EIPR1: variants seen among roughly 807,000 people sequenced by gnomAD.
EIPR1 encodes the protein EARP complex and GARP complex interacting protein 1.
A neutral mutation model predicts 48.1 loss-of-function variants in EIPR1; 25 were observed. The ratio of observed to expected loss-of-function variants is 0.52; its 90% CI spans 0.38 to 0.73. The LOEUF (loss-of-function observed/expected upper bound fraction) is 0.73. EIPR1 is among the 30% of genes least tolerant of loss of function. The probability of loss-of-function intolerance (pLI) is 0.00; values close to 1 mark genes in which losing one functional copy is unlikely to be tolerated. For synonymous variants in EIPR1, 204 were observed against 201.9 expected, an observed-to-expected ratio of 1.01 and a Z score of -0.09; for missense variants, 415 against 506.2, an observed-to-expected ratio of 0.82 and a Z score of 1.73.
intron 3 of EIPR1, among the ~76,000 whole-genome samples, chr2:3,279,463 C>A (rs1667954860): frequency 6.6e-6 from 1 of 152,212 alleles, no homozygotes; most frequent in Admixed American, 6.5e-5. Flanking sequence ...AGGTCGGAAT[C>A]CCCGCTTGTG....
At chr2:3,227,868 T>C (rs955748571) in intron 4 of EIPR1, among the ~76,000 whole-genome samples, 3 of 152,218 alleles carry the variant, frequency 2.0e-5, no homozygotes, top group Admixed American at 1.3e-4. Context: ...TGCTTCCACA[T>C]GGTACCGAGC....
chr2:3,288,037 G>A (rs1668260068), intron 3 of EIPR1, among the ~76,000 whole-genome samples: 1 of 152,222 alleles, frequency 6.6e-6, no homozygotes, highest in South Asian at 2.1e-4. Context: ...TCCTCCCCGT[G>A]GCCCGAGTCT....
chr2:3,343,463 G>A (rs1343952964), intron 2 of EIPR1, among the ~76,000 whole-genome samples: 6 of 152,100 alleles, frequency 3.9e-5, no homozygotes, highest in African/African-American at 1.4e-4. Context: ...CTGCAAAGGC[G>A]GTCGCCCTGT....
chr2:3,328,589 C>T (rs11901038), intron 3 of EIPR1, among the ~76,000 whole-genome samples: 33,603 of 135,446 alleles, frequency 0.25, 6,114 homozygotes, highest in East Asian at 0.62. Context: ...AGACTCTACC[C>T]ACCACGCTCT....
At chr2:3,211,760 T>C (rs1665464496) in intron 5 of EIPR1, among the ~76,000 whole-genome samples, 1 of 152,340 alleles carries the variant, frequency 6.6e-6, no homozygotes, top group African/African-American at 2.4e-5. Flanking sequence ...GTGGAGCGAA[T>C]CCTCACGCAA....
chr2:3,206,544 G>A (rs550811103), intron 5 of EIPR1, among the ~76,000 whole-genome samples: 21 of 152,294 alleles, frequency 1.4e-4, no homozygotes, highest in Non-Finnish European at 2.5e-4. Context: ...AGGATGTGCC[G>A]TTTTAAACTT....
rs1426500934 is a variant in EIPR1 at position 3,197,007 on chromosome 2, G to C, written c.527C>G (p.Ser176Ter). The C allele has an allele frequency of 1.2e-6, 2 of 1,613,768 alleles. No individual in the cohort carries two copies. Among genetic ancestry groups the C allele is most frequent in the Non-Finnish European group, 1.7e-6 (2 of 1,180,038 alleles). Residue 176 changes from serine to a stop codon, truncating the protein, a stop_gained, in exon 6 of 9, where the codon TCA becomes TGA. Transcript: ENST00000382125. LOFTEE classifies it high-confidence loss of function. The stretch of plus-strand genomic sequence containing the variant: ...TTGTCCCTTCCCTTCCAGGGACGCT[G>C]AGCTGGCCAGCTGGGAGTGTCACGA... ...ESSSQAVLAS[S>*]ASLEGKGQLK...
chr2:3,311,498 A>G (rs1045386963), intron 3 of EIPR1, among the ~76,000 whole-genome samples: 2 of 152,238 alleles, frequency 1.3e-5, no homozygotes, highest in African/African-American at 2.4e-5. Context: ...AGGCAGTGGC[A>G]TATTTTAAAT....
chr2:3,252,517 G>A (rs753044030), intron 4 of EIPR1, among the ~76,000 whole-genome samples: 2 of 152,160 alleles, frequency 1.3e-5, no homozygotes, highest in Admixed American at 6.5e-5. Flanking sequence ...CTTGAACCCG[G>A]GAGACAGAGG....
At chr2:3,341,578 C>G (rs1430379694) in intron 2 of EIPR1, among the ~76,000 whole-genome samples, 1 of 150,954 alleles carries the variant, frequency 6.6e-6, no homozygotes, top group Non-Finnish European at 1.5e-5. Context: ...GAGGCAGGTG[C>G]AGGTGTGTAT....
At chr2:3,252,245 G>C (rs1196931092) in intron 4 of EIPR1, among the ~76,000 whole-genome samples, 1 of 152,168 alleles carries the variant, frequency 6.6e-6, no homozygotes, top group Non-Finnish European at 1.5e-5. Flanking sequence ...CACCACACGT[G>C]AGTGAGAACA....
At chr2:3,277,246 A>G (rs561190138) in intron 3 of EIPR1, among the ~76,000 whole-genome samples, 76 of 151,326 alleles carry the variant, frequency 5.0e-4, no homozygotes, top group African/African-American at 1.4e-3. Context: ...ACGCGGCCCC[A>G]CACCTGTCTC....
intron 2 of EIPR1, among the ~76,000 whole-genome samples, chr2:3,349,893 G>A (rs1670518899): frequency 6.6e-6 from 1 of 152,184 alleles, no homozygotes; most frequent in African/African-American, 2.4e-5. Context: ...GGAGGCCAAG[G>A]CGGGCAGATC....
intron 4 of EIPR1, among the ~76,000 whole-genome samples, chr2:3,219,650 G>T (rs1008295172): frequency 1.7e-5 from 2 of 115,642 alleles, no homozygotes; most frequent in Non-Finnish European, 3.5e-5. Flanking sequence ...CATGACCCTG[G>T]TATATTCTAG....
At chr2:3,372,553 C>A (rs1186601331) in intron 1 of EIPR1, among the ~76,000 whole-genome samples, 1 of 152,132 alleles carries the variant, frequency 6.6e-6, no homozygotes, top group African/African-American at 2.4e-5. Context: ...GGGATATCAC[C>A]ACCAATCCCA....
chr2:3,249,856 G>T (rs147484237), intron 4 of EIPR1, among the ~76,000 whole-genome samples: 3 of 152,174 alleles, frequency 2.0e-5, no homozygotes, highest in Non-Finnish European at 4.4e-5. Context: ...GTACAGTTCC[G>T]GCAGGTGCAA....
At chr2:3,345,743 G>A (rs1244653654) in intron 2 of EIPR1, among the ~76,000 whole-genome samples, 1 of 152,128 alleles carries the variant, frequency 6.6e-6, no homozygotes, top group African/African-American at 2.4e-5. Flanking sequence ...CACAGTGGGA[G>A]GTGGCACCGT....
At chr2:3,208,740 T>C (rs780447199) in intron 5 of EIPR1, 3 of 1,543,034 alleles carry the variant, frequency 1.9e-6, no homozygotes, top group Non-Finnish European at 2.6e-6. Flanking sequence ...TCGTGGCGGG[T>C]CCTTCTGTGA....
At chr2:3,237,763 G>A (rs550484159) in intron 4 of EIPR1, among the ~76,000 whole-genome samples, 1 of 152,286 alleles carries the variant, frequency 6.6e-6, no homozygotes, top group African/African-American at 2.4e-5. Flanking sequence ...TCTGAGCCTT[G>A]GTTTCCGCTT....
Sources: allele counts gnomAD v4.1 joint callset (sites outside exome capture counted in the v4.1 genomes callset), GRCh38; gene constraint gnomAD v4.1.1; transcripts MANE v1.5; gene names NCBI Gene and HGNC (gene_info 2026-07-23, HGNC 2026-07-21).